Variants in MTA3 observed in about 807,000 individuals in gnomAD.
MTA3 encodes metastasis associated 1 family member 3, also known as metastasis-associated protein MTA3.
MTA3 carries 34 observed loss-of-function variants against 83.5 expected under a neutral mutation model. The ratio of observed to expected loss-of-function variants is 0.41; its 90% CI spans 0.31 to 0.54. MTA3 has a LOEUF of 0.54. Among genes scored for constraint, MTA3 ranks in the 20% least tolerant of loss-of-function variants. The pLI is 0.33. For synonymous variants in MTA3, 303 were observed against 252.7 expected (o/e 1.20, Z -1.89); for missense variants, 761 against 726.4 (o/e 1.05, Z -0.55).
At chr2:42,553,179 A>T (rs1385859779) in intron 2 of MTA3, among the ~76,000 whole-genome samples, 1 of 152,028 alleles carries the variant, frequency 6.6e-6, no homozygotes, top group East Asian at 1.9e-4. Context: ...TAATCCCAGC[A>T]CTTTGGGAGG....
At chr2:42,506,533 C>T (rs1234594751) in intron 2 of MTA3, among the ~76,000 whole-genome samples, 1 of 151,812 alleles carries the variant, frequency 6.6e-6, no homozygotes, top group Non-Finnish European at 1.5e-5. Flanking sequence ...TTTTGAATGC[C>T]GATTGTGATT....
chr2:42,690,325 TA>T (rs1692765882), intron 9 of MTA3, among the ~76,000 whole-genome samples: 1 of 152,260 alleles, frequency 6.6e-6, no homozygotes, highest in Non-Finnish European at 1.5e-5. Context: ...AATTCACTTT[TA>T]TCCTTTTCTT....
intron 3 of MTA3, among the ~76,000 whole-genome samples, chr2:42,602,317 C>G (rs1216529538): frequency 6.6e-6 from 1 of 152,136 alleles, no homozygotes; most frequent in African/African-American, 2.4e-5. Context: ...TGGCTTATTT[C>G]CAGTTTTTGG....
chr2:42,522,476 G>A (rs1675473388), intron 2 of MTA3, among the ~76,000 whole-genome samples: 1 of 152,048 alleles, frequency 6.6e-6, no homozygotes. Context: ...TGACAGAATT[G>A]GGGGACACAC....
chr2:42,593,644 A>G (rs959623903), intron 3 of MTA3, among the ~76,000 whole-genome samples: 6 of 152,128 alleles, frequency 3.9e-5, no homozygotes, highest in Non-Finnish European at 8.8e-5. Flanking sequence ...GTGTGTGACT[A>G]TATATGTCAT....
At chr2:42,543,823 T>G (rs1419702484) in intron 2 of MTA3, among the ~76,000 whole-genome samples, 2 of 151,802 alleles carry the variant, frequency 1.3e-5, no homozygotes, top group African/African-American at 4.8e-5. Context: ...ATCTAACATA[T>G]ACATACATTA....
chr2:42,642,592 AT>A lies in MTA3; in HGVS notation c.382-1534del, dbSNP rs557381874. On this transcript the variant is annotated intron_variant, in intron 5 of 16. Transcript: ENST00000405094. Reference sequence around the variant, plus strand: ...CATGTCTGTAAAGCAAAACAAAAAAATCAAACAATTCTGATTACATAATGAT... The same window carrying A: ...CATGTCTGTAAAGCAAAACAAAAAAACAAACAATTCTGATTACATAATGAT... 5.1e-4 allele frequency among the ~76,000 whole-genome samples: 77 copies of A among 152,100 alleles called. 2 individuals are homozygous for A. In the South Asian group the frequency reaches 0.016, roughly 31 times the overall value.
intron 2 of MTA3, among the ~76,000 whole-genome samples, chr2:42,548,833 T>TATATATATATATAATATATATATATA (rs1209750861): frequency 1.7e-4 from 2 of 11,506 alleles, no homozygotes; most frequent in Non-Finnish European, 1.8e-4. Flanking sequence ...ATATATAATA[T>TATATATATATATAATATATATATATA]ATATATATAT....
intron 2 of MTA3, among the ~76,000 whole-genome samples, chr2:42,514,474 C>G (rs934804237): frequency 6.6e-6 from 1 of 151,974 alleles, no homozygotes; most frequent in South Asian, 2.1e-4. Flanking sequence ...ACCTCCACCT[C>G]CAGGATTCAA....
In MTA3 at chr2:42,704,294, G is replaced by C. The variant is rs1430438542; in HGVS notation, c.1126G>C (p.Gly376Arg). 1.2e-6 allele frequency: 2 copies of C among 1,613,806 alleles called. No homozygotes were observed. Among genetic ancestry groups the C allele is most frequent in the African/African-American group, 2.7e-5 (2 of 74,908 alleles). ...TTFQPQNPLL[G>R]RACESCYATQ... ...GTTCCAGCCTCAGAATCCTCTCTTA[G>C]GGAGAGCCTGTGAGAGCTGCTATGG... The change falls in exon 12 of 17, where the codon GGG becomes CGG. Residue 376 changes from glycine (G) to arginine (R), a missense_variant. Coordinates refer to ENST00000405094, the MANE Select transcript of MTA3 (RefSeq NM_001330442.2).
At chr2:42,661,453 T>G in intron 8 of MTA3, among the ~76,000 whole-genome samples, 1 of 133,794 alleles carries the variant, frequency 7.5e-6, no homozygotes, top group East Asian at 2.1e-4. Flanking sequence ...TGAGCTGAGA[T>G]CATGCTCATG....
In MTA3 at chr2:42,708,961, A is replaced by G. The variant is rs1573710043; in HGVS notation, c.1390A>G (p.Thr464Ala). 1 of 1,613,738 alleles carries G rather than the reference A, an allele frequency of 6.2e-7. No homozygotes were observed. Among genetic ancestry groups the G allele is most frequent in the Admixed American group, 1.7e-5 (1 of 59,998 alleles). The change falls in exon 14 of 17, where the codon ACC becomes GCC. Residue 464 changes from threonine to alanine, a missense_variant. Coordinates refer to ENST00000405094, the MANE Select transcript of MTA3 (RefSeq NM_001330442.2). ...NTGSPKSAVK[T>A]RQAFFLHTTY... ...TGGGAGTCCAAAGTCTGCAGTGAAGACCCGCCAAGCTTTCTTCCTTCATAC... is the reference window on the plus strand; with the variant it reads ...TGGGAGTCCAAAGTCTGCAGTGAAGGCCCGCCAAGCTTTCTTCCTTCATAC...
At chr2:42,750,277 C>T (rs924124529) in intron 16 of MTA3, among the ~76,000 whole-genome samples, 5 of 152,194 alleles carry the variant, frequency 3.3e-5, no homozygotes, top group Non-Finnish European at 5.9e-5. Flanking sequence ...GTGTGAGCCA[C>T]CACGCCTGGC....
At chr2:42,752,564 G>A (rs920585123) in intron 16 of MTA3, among the ~76,000 whole-genome samples, 3 of 152,162 alleles carry the variant, frequency 2.0e-5, no homozygotes, top group Non-Finnish European at 4.4e-5. Context: ...GGAAGTGGAG[G>A]GGGTGGGAGT....
In MTA3 at chr2:42,738,625, G is replaced by A. The variant is rs1186594872; in HGVS notation, c.1760-14749G>A. Among the ~76,000 whole-genome samples the A allele has an allele frequency of 7.9e-5, 12 of 152,308 alleles. No homozygotes were observed. In the East Asian group the frequency reaches 2.3e-3, roughly 29 times the overall value. On this transcript the variant is annotated intron_variant, in intron 16 of 16. Coordinates refer to ENST00000405094, the MANE Select transcript of MTA3 (RefSeq NM_001330442.2). ...AACAGGATAACAGCAATTGTTCAGG[G>A]AGTAAGAGAGATAACCTTAAACTCT...
intron 8 of MTA3, among the ~76,000 whole-genome samples, chr2:42,664,821 G>T (rs756443422): frequency 1.3e-5 from 2 of 152,046 alleles, no homozygotes; most frequent in African/African-American, 2.4e-5. Flanking sequence ...ACTTCAATGG[G>T]CTGTCAGCAT....
At position 42,708,270 on chromosome 2, in the gene MTA3, A is replaced by G. The variant is rs535855960; in HGVS notation, c.1302+216A>G. On this transcript the variant is annotated intron_variant, in intron 13 of 16. Coordinates refer to ENST00000405094, the MANE Select transcript of MTA3 (RefSeq NM_001330442.2). The stretch of plus-strand genomic sequence containing the variant: ...AATAATGGTCTCAGACAAAAAAACA[A>G]TGAGTGTGGGAGATGTTAGCATAAG... Among the ~76,000 whole-genome samples the G allele has an allele frequency of 2.4e-4, 37 of 152,366 alleles. 2 individuals are homozygous for G. In the South Asian group the frequency reaches 7.0e-3, roughly 29 times the overall value.
intron 2 of MTA3, among the ~76,000 whole-genome samples, chr2:42,546,374 C>G (rs1159074377): frequency 6.6e-6 from 1 of 152,090 alleles, no homozygotes; most frequent in Non-Finnish European, 1.5e-5. Flanking sequence ...TTAGGATGTC[C>G]TTGTCTGCTC....
chr2:42,704,500 C>T (rs933783623), intron 12 of MTA3, among the ~76,000 whole-genome samples, 182 bp downstream of exon 12: 11 of 152,128 alleles, frequency 7.2e-5, no homozygotes, highest in Non-Finnish European at 1.5e-4. Flanking sequence ...TTATTGAATC[C>T]TTATTACGTA....
Sources: allele counts gnomAD v4.1 joint callset (sites outside exome capture counted in the v4.1 genomes callset), GRCh38; gene constraint gnomAD v4.1.1; transcripts MANE v1.5; gene names NCBI Gene and HGNC (gene_info 2026-07-23, HGNC 2026-07-21).